SHMT2: variants seen among roughly 807,000 people sequenced by gnomAD.
The protein encoded by SHMT2 is serine hydroxymethyltransferase 2, also known as serine hydroxymethyltransferase, mitochondrial.
In SHMT2, 38 loss-of-function variants were observed where a neutral mutation model predicts 59.6. The observed-to-expected ratio is 0.64, with a 90% CI of 0.49 to 0.84. SHMT2 has a LOEUF of 0.84. Ranked by LOEUF, SHMT2 falls within the 40% of genes least tolerant of loss-of-function variation. The probability of loss-of-function intolerance (pLI) is 0.00; values close to 1 mark genes in which losing one functional copy is unlikely to be tolerated. For missense variants in SHMT2, 533 were observed against 659.5 expected, an observed-to-expected ratio of 0.81 and a Z score of 2.10; for synonymous variants, 254 against 258.1, an observed-to-expected ratio of 0.98 and a Z score of 0.15.
At chr12:57,231,330 G>GC (rs1237011538) in intron 2 of SHMT2, 151 bp from the exon 3 acceptor site, 1 of 789,076 alleles carries the variant, frequency 1.3e-6, no homozygotes, top group Non-Finnish European at 2.0e-6. Context: ...TGAGAATGCT[G>GC]CCTCTGGCTT....
chr12:57,233,533 G>C (rs377708222), intron 8 of SHMT2, 30 bp from the exon 9 acceptor site: 37 of 1,600,302 alleles, frequency 2.3e-5, no homozygotes, highest in African/African-American at 5.3e-5. Context: ...TCCAGGCCTA[G>C]GGTGACAGCT....
At position 57,231,810 on chromosome 12, in the gene SHMT2, A is replaced by G; in HGVS notation, c.409A>G (p.Asn137Asp). 1.2e-6 allele frequency: 2 copies of G among 1,614,142 alleles called. No individual in the cohort carries two copies. Among genetic ancestry groups the G allele is most frequent in the Non-Finnish European group, 1.7e-6 (2 of 1,180,002 alleles). Residue 137 changes from asparagine to aspartate, a missense_variant, in exon 4 of 12, where the codon AAT (asparagine) becomes GAT (aspartate). Coordinates refer to ENST00000328923, the MANE Select transcript of SHMT2 (RefSeq NM_005412.6). Reference sequence around the variant, plus strand: ...CCTGGATCCTGCACAGTGGGGAGTCAATGTCCAGCCCTACTCCGGGTCCCC... The same window carrying G: ...CCTGGATCCTGCACAGTGGGGAGTCGATGTCCAGCCCTACTCCGGGTCCCC... ...FDLDPAQWGV[N>D]VQPYSGSPAN... is the part of the protein sequence containing the mutation.
At chr12:57,232,632 G>A (rs2037373580) in intron 6 of SHMT2, 57 bp downstream of exon 6, 1 of 1,612,350 alleles carries the variant, frequency 6.2e-7, no homozygotes, top group South Asian at 1.1e-5. Flanking sequence ...AGGAGGTGTG[G>A]GAGGAGGGCA....
intron 1 of SHMT2, 111 bp from the exon 2 acceptor site, chr12:57,230,692 G>T (rs1356251899): frequency 1.3e-6 from 2 of 1,495,392 alleles, no homozygotes; most frequent in African/African-American, 2.8e-5. Flanking sequence ...ACTGAAACAG[G>T]CTGGCTGGAC....
At position 57,231,010 on chromosome 12, in the gene SHMT2, G is replaced by A. The variant is rs773499442; in HGVS notation, c.231+10G>A. ...GCTCATTGCCTCAGAGGTGGGACCT[G>A]GGGAGATGGGCAGGGGTTGGGCCAC... On this transcript the variant is annotated intron_variant, in intron 2 of 11. Transcript: ENST00000328923. 6.2e-7 allele frequency: 1 copy of A among 1,612,860 alleles called. No individual in the cohort carries two copies. Among genetic ancestry groups the A allele is most frequent in the East Asian group, 2.2e-5 (1 of 44,880 alleles).
intron 2 of SHMT2, 138 bp from the exon 3 acceptor site, chr12:57,231,343 C>A: frequency 2.2e-6 from 2 of 908,690 alleles, no homozygotes; most frequent in Non-Finnish European, 3.3e-6. Context: ...TCTGGCTTTG[C>A]CCCAGGCCTG....
chr12:57,230,568 G>C (rs1460968374), intron 1 of SHMT2: 3 of 1,397,880 alleles, frequency 2.1e-6, no homozygotes, highest in Admixed American at 3.0e-5. Flanking sequence ...GAGGTGGTGG[G>C]AGATTTCTGA....
At chr12:57,230,303 C>A in intron 1 of SHMT2, 1 of 1,156,022 alleles carries the variant, frequency 8.7e-7, no homozygotes, top group South Asian at 1.7e-5. Context: ...TCCCCACCCC[C>A]ACCACTCCCA....
intron 1 of SHMT2, 87 bp from the exon 2 acceptor site, chr12:57,230,716 G>T (rs912846837): frequency 2.6e-6 from 4 of 1,525,158 alleles, no homozygotes; most frequent in Non-Finnish European, 3.5e-6. Flanking sequence ...TGGCAGCTTG[G>T]TGTGGCCTTA....
chr12:57,231,618 C>G, intron 3 of SHMT2, 58 bp downstream of exon 3: 1 of 1,610,586 alleles, frequency 6.2e-7, no homozygotes, highest in Non-Finnish European at 8.5e-7. Flanking sequence ...CCCACCTGTA[C>G]CTTCCCAGTG....
chr12:57,230,423 A>C, intron 1 of SHMT2: 1 of 1,150,450 alleles, frequency 8.7e-7, no homozygotes, highest in Admixed American at 4.4e-5. Flanking sequence ...TGACTGGGGT[A>C]TCAGTTTATG....
chr12:57,234,297 A>C lies in SHMT2; in HGVS notation c.1451A>C (p.Asn484Thr). The change falls in exon 12 of 12, where the codon AAC becomes ACC. Residue 484 changes from asparagine (N) to threonine (T), a missense_variant. Physicochemically the swap from Asn to Thr is moderately conservative, Grantham distance 65. Coordinates refer to ENST00000328923, the MANE Select transcript of SHMT2 (RefSeq NM_005412.6). ...TCAGAAACAAGTCAGCGTCTGGCCAACCTCAGGCAACGGGTGGAGCAGTTT... is the reference window on the plus strand; with the variant it reads ...TCAGAAACAAGTCAGCGTCTGGCCACCCTCAGGCAACGGGTGGAGCAGTTT... ...KDSETSQRLA[N>T]LRQRVEQFAR... The C allele has an allele frequency of 6.2e-7, 1 of 1,613,758 alleles. No homozygotes were observed. Among genetic ancestry groups the C allele is most frequent in the Non-Finnish European group, 8.5e-7 (1 of 1,179,824 alleles).
chr12:57,233,774 G>T lies in SHMT2; in HGVS notation c.1149G>T (p.Leu383=), dbSNP rs1333931664. The change falls in exon 10 of 12, where the codon CTG becomes CTT. Residue 383 remains leucine (L), a synonymous_variant. Coordinates refer to ENST00000328923, the MANE Select transcript of SHMT2 (RefSeq NM_005412.6). ...GTGGTACTGACAACCACCTGGTGCT[G>T]GTGGACCTGCGGCCCAAGGGCCTGG... The part of the protein sequence containing the change: ...VSGGTDNHLV[L]VDLRPKGLDG... 1 of 1,614,236 alleles carries T rather than the reference G, an allele frequency of 6.2e-7. No individual in the cohort carries two copies. Among genetic ancestry groups the T allele is most frequent in the South Asian group, 1.1e-5 (1 of 91,082 alleles).
intron 6 of SHMT2, 38 bp downstream of exon 6, chr12:57,232,613 G>C (rs745839664): frequency 3.7e-6 from 6 of 1,613,332 alleles, no homozygotes; most frequent in Non-Finnish European, 5.1e-6. Flanking sequence ...ACCTCCCCAG[G>C]GGGTGGTGAG....
chr12:57,234,504 C>G lies in SHMT2; in HGVS notation c.*143C>G. On this transcript the variant is annotated 3_prime_UTR_variant, in exon 12 of 12. Transcript: ENST00000328923. ...GCAAGAGCCAGGTATAGTCTCCCTT[C>G]CCAGAATTTGTAACTGAGAAGATCT... 3.6e-6 allele frequency: 3 copies of G among 843,176 alleles called. No homozygotes were observed. The highest frequency in any genetic ancestry group is 5.1e-6 in the Non-Finnish European group (3 of 589,434). The allele number at this position is 843,176 out of a possible 1,614,324, so 52.2% of individuals were successfully genotyped here.
Position 57,233,184 on chromosome 12 carries a change from G to A in SHMT2, c.862G>A (p.Gly288Arg). ...THKTLRGARS[G>R]LIFYRKGVKA... ...GACCATCCACCTCTCACACAGGTCA[G>A]GGCTCATCTTCTACCGGAAAGGGGT... The change falls in exon 8 of 12, where the codon GGG becomes AGG. Residue 288 changes from glycine to arginine, a missense_variant. Gly to Arg is a moderately radical substitution (Grantham distance 125). Coordinates refer to ENST00000328923, the MANE Select transcript of SHMT2 (RefSeq NM_005412.6). The A allele has an allele frequency of 1.3e-6, 2 of 1,561,448 alleles. No homozygotes were observed. Among genetic ancestry groups the A allele is most frequent in the Non-Finnish European group, 8.7e-7 (1 of 1,151,862 alleles).
At chr12:57,232,372 C>CCTTA in intron 5 of SHMT2, 80 bp downstream of exon 5, 1 of 1,613,480 alleles carries the variant, frequency 6.2e-7, no homozygotes. Context: ...CCTGGAGCGC[C>CCTTA]GGGCCGTCCT....
At chr12:57,230,155 T>A in intron 1 of SHMT2, 1 of 1,312,792 alleles carries the variant, frequency 7.6e-7, no homozygotes, top group South Asian at 1.4e-5. Flanking sequence ...TCCGGCCAGC[T>A]CTGAGCCCTG....
rs1411799236 is a variant in SHMT2 at position 57,231,760 on chromosome 12, A to C, written c.359A>C (p.Gln120Pro). 1 of 1,614,212 alleles carries C rather than the reference A, an allele frequency of 6.2e-7. No individual in the cohort carries two copies. The highest frequency in any genetic ancestry group is 1.1e-5 in the South Asian group (1 of 91,088). The change falls in exon 4 of 12, where the codon CAG (glutamine) becomes CCG (proline). Residue 120 changes from glutamine (Q) to proline (P), a missense_variant. Gln to Pro is a moderately conservative substitution (Grantham distance 76). Transcript: ENST00000328923. ...EVVDEIELLCQRRALEAFDLD... is the reference protein window; with the variant it reads ...EVVDEIELLCPRRALEAFDLD... The stretch of plus-strand genomic sequence containing the variant: ...GTGGATGAAATTGAGCTGCTGTGCC[A>C]GCGCCGGGCCTTGGAAGCCTTTGAC...
Sources: allele counts gnomAD v4.1 joint callset, GRCh38; gene constraint gnomAD v4.1.1; transcripts MANE v1.5; gene names NCBI Gene and HGNC (gene_info 2026-07-23, HGNC 2026-07-21).